EIF3H: variants seen among roughly 807,000 people sequenced by gnomAD.
EIF3H encodes eIF-3-gamma.
In EIF3H, 26 loss-of-function variants were observed where a neutral mutation model predicts 44.2. The observed-to-expected ratio is 0.59, with a 90% CI of 0.43 to 0.82. The LOEUF is 0.82. Ranked by LOEUF, EIF3H falls within the 40% of genes least tolerant of loss-of-function variation. The pLI is 0.00. For missense variants in EIF3H, 359 were observed against 432.8 expected (o/e 0.83, Z 1.51); for synonymous variants, 166 against 151.9 (o/e 1.09, Z -0.68).
intron 1 of EIF3H, among the ~76,000 whole-genome samples, chr8:116,750,403 CTTTT>C (rs771136977): frequency 2.3e-5 from 3 of 129,690 alleles, no homozygotes; most frequent in South Asian, 2.4e-4. Context: ...TTTAGCATGA[CTTTT>C]TTTTTTTTTT....
chr8:116,687,583 T>C (rs755085983), intron 2 of EIF3H, among the ~76,000 whole-genome samples: 4 of 152,092 alleles, frequency 2.6e-5, no homozygotes, highest in Non-Finnish European at 1.5e-5. Flanking sequence ...ATTTGTCTGT[T>C]TGTGCTTTAT....
upstream of EIF3H, chr8:116,756,081 A>G: frequency 3.0e-6 from 4 of 1,330,758 alleles, no homozygotes; most frequent in South Asian, 5.0e-5. Flanking sequence ...CCGTCATAAT[A>G]GCATTACAGT....
At chr8:116,745,363 C>T (rs939991008) in intron 1 of EIF3H, among the ~76,000 whole-genome samples, 7 of 152,180 alleles carry the variant, frequency 4.6e-5, no homozygotes, top group Admixed American at 2.0e-4. Context: ...CATTCACTAT[C>T]TTCATATCAA....
At chr8:116,654,724 C>A (rs1284846251) in intron 5 of EIF3H, among the ~76,000 whole-genome samples, 2 of 152,122 alleles carry the variant, frequency 1.3e-5, no homozygotes, top group African/African-American at 4.8e-5. Flanking sequence ...CATTTACATT[C>A]ATCGTCCATC....
chr8:116,722,059 T>C (rs533706068), intron 2 of EIF3H, among the ~76,000 whole-genome samples: 3 of 152,330 alleles, frequency 2.0e-5, no homozygotes, highest in African/African-American at 7.2e-5. Context: ...TGATATGGTT[T>C]GGCTGTGTTG....
chr8:116,733,589 T>A (rs1162693953), intron 1 of EIF3H, among the ~76,000 whole-genome samples: 3 of 152,084 alleles, frequency 2.0e-5, no homozygotes, highest in African/African-American at 7.2e-5. Flanking sequence ...TTTCATGTAT[T>A]TCAAGGCCCT....
intron 2 of EIF3H, among the ~76,000 whole-genome samples, chr8:116,677,994 C>CT (rs1813877518): frequency 6.6e-6 from 1 of 152,208 alleles, no homozygotes; most frequent in South Asian, 2.1e-4. Context: ...TTACAGCCCT[C>CT]TCCCCCTTCC....
chr8:116,664,566 G>A (rs1237112736), intron 2 of EIF3H, among the ~76,000 whole-genome samples: 12 of 152,130 alleles, frequency 7.9e-5, no homozygotes, highest in Admixed American at 6.5e-4. Flanking sequence ...GTGAGCCCTT[G>A]TGAAATACAA....
intron 2 of EIF3H, among the ~76,000 whole-genome samples, chr8:116,708,298 C>CATT (rs922860831): frequency 1.4e-4 from 22 of 151,750 alleles, no homozygotes; most frequent in South Asian, 1.0e-3. Context: ...AATGTCACCT[C>CATT]ATTATTATTA....
At chr8:116,646,400 A>C (rs999780333) in intron 7 of EIF3H, 71 bp downstream of exon 7, 2 of 1,605,400 alleles carry the variant, frequency 1.2e-6, no homozygotes, top group African/African-American at 1.3e-5. Flanking sequence ...TTCTGTTTGT[A>C]AATTTCTCAC....
rs368405668 is a variant in EIF3H, at chr8:116,734,346, C to T, written c.133-8174G>A. Reference sequence around the variant, plus strand: ...AGAACTGAAGAACAAGCCATCAGCCCTATGAAAACTTGGGAGAAGAGAATA... The same window carrying T: ...AGAACTGAAGAACAAGCCATCAGCCTTATGAAAACTTGGGAGAAGAGAATA... On this transcript the variant is annotated intron_variant, in intron 1 of 7. Coordinates refer to ENST00000521861, the MANE Select transcript of EIF3H (RefSeq NM_003756.3). The T allele has an allele frequency of 1.0e-3, 476 of 455,976 alleles. 6 individuals carry two copies. Among genetic ancestry groups the T allele is most frequent in the South Asian group, 7.0e-3 (453 of 64,548 alleles). 28.2% of individuals were successfully genotyped at this position (455,976 alleles called of 1,614,324 possible).
Position 116,752,773 on chromosome 8 carries a change from G to GA in EIF3H, c.132+2892dup, listed in dbSNP as rs1349278308. Among the ~76,000 whole-genome samples, 225 of 55,954 alleles carry GA rather than the reference G, an allele frequency of 4.0e-3. 8 individuals carry two copies. The highest frequency in any genetic ancestry group is 7.8e-3 in the Non-Finnish European group (173 of 22,050). 36.7% of individuals were successfully genotyped at this position (55,954 alleles called of 152,430 possible). On this transcript the variant is annotated intron_variant, in intron 1 of 7. Coordinates refer to ENST00000521861, the MANE Select transcript of EIF3H (RefSeq NM_003756.3). ...AGAAAGAGGGAGGGAGGGAGGGAGG[G>GA]AGGGAGGGAGGGAGGGAGGGAGGGA... is the stretch of plus-strand genomic sequence containing the variant.
rs1237288602 is a variant in EIF3H at position 116,754,283 on chromosome 8, TTG to T, written c.132+1381_132+1382del. Among the ~76,000 whole-genome samples the T allele has an allele frequency of 3.9e-5, 6 of 152,294 alleles. No individual in the cohort carries two copies. In the South Asian group the frequency reaches 8.3e-4, roughly 21 times the overall value. ...CGCGTGCCAACATGCCCGGCTAATT[TTG>T]TGTTTTTAGTAGAGACGGGGTTTCA... On this transcript the variant is annotated intron_variant, in intron 1 of 7. Transcript: ENST00000521861.
chr8:116,691,869 CAAAAAA>C (rs373127282), intron 2 of EIF3H, among the ~76,000 whole-genome samples: 1 of 134,450 alleles, frequency 7.4e-6, no homozygotes, highest in African/African-American at 2.8e-5. Context: ...AAGACTGTCT[CAAAAAA>C]AAAAAAAAAA....
upstream of EIF3H, among the ~76,000 whole-genome samples, chr8:116,760,035 A>C (rs974314966): frequency 6.6e-6 from 1 of 152,186 alleles, no homozygotes; most frequent in African/African-American, 2.4e-5. Context: ...TCAGCCTGCC[A>C]ATTTAAATTA....
rs1214409405 is a variant in EIF3H at position 116,644,127 on chromosome 8, T to TA, written c.*878_*879insT. 6.6e-6 allele frequency: 1 copy of TA among 152,256 alleles called. No homozygotes were observed. The highest frequency in any genetic ancestry group is 2.4e-5 in the African/African-American group (1 of 41,456). 9.4% of individuals were successfully genotyped at this position (152,256 alleles called of 1,614,324 possible). A position where few individuals can be genotyped will look rare whatever the true frequency, so the allele number is the denominator to read the frequency against. ...TGGCCTGTCCAGGAGTGGTGGCTCA[T>TA]GCCTGTATTCCCAGCACTTTGGGAG... On this transcript the variant is annotated 3_prime_UTR_variant, in exon 8 of 8. Coordinates refer to ENST00000521861, the MANE Select transcript of EIF3H (RefSeq NM_003756.3).
intron 2 of EIF3H, among the ~76,000 whole-genome samples, chr8:116,694,337 A>G (rs1210053903): frequency 1.3e-5 from 2 of 152,144 alleles, no homozygotes; most frequent in Admixed American, 1.3e-4. Context: ...TTGAAATTGC[A>G]TTTCTTTCAT....
At chr8:116,749,478 T>C in intron 1 of EIF3H, among the ~76,000 whole-genome samples, 1 of 152,214 alleles carries the variant, frequency 6.6e-6, no homozygotes, top group East Asian at 1.9e-4. Flanking sequence ...GATCATACTT[T>C]GAATAGCAAG....
intron 6 of EIF3H, 98 bp downstream of exon 6, chr8:116,648,708 A>G: frequency 1.4e-6 from 2 of 1,409,808 alleles, no homozygotes; most frequent in Non-Finnish European, 1.9e-6. Context: ...CTAACGGTCA[A>G]TAATTTACCA....
Sources: gnomAD v4.1 joint callset for allele counts (sites outside exome capture counted in the v4.1 genomes callset) on GRCh38, gnomAD v4.1.1 for gene constraint, MANE v1.5 for transcripts, NCBI Gene and HGNC (gene_info 2026-07-23, HGNC 2026-07-21) for gene names.